Variants in MAST2 observed in about 807,000 individuals in gnomAD.
The protein encoded by MAST2 is microtubule-associated serine/threonine-protein kinase 2.
A neutral mutation model predicts 147.4 loss-of-function variants in MAST2; 70 were observed. The observed-to-expected ratio is 0.47, with a 90% CI of 0.39 to 0.58. The LOEUF (loss-of-function observed/expected upper bound fraction) is 0.58. Among genes scored for constraint, MAST2 ranks in the 20% least tolerant of loss-of-function variants. The pLI, the probability that MAST2 is intolerant of heterozygous loss-of-function variation, is 0.00. For synonymous variants in MAST2, 869 were observed against 896.8 expected, an observed-to-expected ratio of 0.97 and a Z score of 0.55; for missense variants, 2,080 against 2,302.3, an observed-to-expected ratio of 0.90 and a Z score of 1.98.
At chr1:45,935,749 G>T (rs960378716) in intron 4 of MAST2, among the ~76,000 whole-genome samples, 4 of 152,170 alleles carry the variant, frequency 2.6e-5, no homozygotes, top group Non-Finnish European at 4.4e-5. Flanking sequence ...TGGTCTGTTT[G>T]TCTGGTTTTG....
chr1:46,018,946 A>G (rs1399435894), intron 10 of MAST2, among the ~76,000 whole-genome samples: 1 of 152,168 alleles, frequency 6.6e-6, no homozygotes, highest in Non-Finnish European at 1.5e-5. Context: ...TATCACCTAA[A>G]TGGCTTCTTA....
chr1:45,900,906 T>G (rs186832831), intron 4 of MAST2, among the ~76,000 whole-genome samples: 1 of 152,222 alleles, frequency 6.6e-6, no homozygotes, highest in Non-Finnish European at 1.5e-5. Context: ...ATTAGTCCTT[T>G]GTTGGATGCG....
intron 4 of MAST2, among the ~76,000 whole-genome samples, chr1:45,942,121 T>C (rs1657388161): frequency 6.6e-6 from 1 of 151,432 alleles, no homozygotes; most frequent in Non-Finnish European, 1.5e-5. Context: ...TGAGAATCAC[T>C]GTCCAGCTTG....
chr1:46,035,007 G>A lies in MAST2; in HGVS notation c.4338G>A (p.Val1446=). 6.2e-7 allele frequency: 1 copy of A among 1,614,062 alleles called. No individual in the cohort carries two copies. The highest frequency in any genetic ancestry group is 8.5e-7 in the Non-Finnish European group (1 of 1,180,048). Reference sequence around the variant, plus strand: ...AGAAGGAACTGCCGCCCAGGGAAGTGAGCCCTCTGGAGGTAGTTGGAGCCA... The same window carrying A: ...AGAAGGAACTGCCGCCCAGGGAAGTAAGCCCTCTGGAGGTAGTTGGAGCCA... The part of the protein sequence containing the change: ...ELKKELPPRE[V]SPLEVVGARS... The change falls in exon 29 of 29, where the codon GTG becomes GTA. Residue 1446 remains valine, a synonymous_variant. Coordinates refer to ENST00000361297, the MANE Select transcript of MAST2 (RefSeq NM_015112.3). The surrounding 1 kb of genome is among the most constrained non-coding windows in gnomAD (Gnocchi z 5.5).
At chr1:46,033,426 G>A (rs1646762207) in intron 26 of MAST2, among the ~76,000 whole-genome samples, 1 of 150,774 alleles carries the variant, frequency 6.6e-6, no homozygotes, top group South Asian at 2.1e-4. Context: ...GTGACAGAGT[G>A]AGACTCTGTC....
At chr1:45,810,486 G>A (rs934121501) in intron 1 of MAST2, among the ~76,000 whole-genome samples, 2 of 152,108 alleles carry the variant, frequency 1.3e-5, no homozygotes, top group Admixed American at 6.5e-5. Context: ...GATTAAAGAA[G>A]CCTTGATTGT....
At chr1:45,807,951 G>T (rs1048548169) in intron 1 of MAST2, among the ~76,000 whole-genome samples, 25 of 152,194 alleles carry the variant, frequency 1.6e-4, no homozygotes, top group African/African-American at 5.5e-4. Flanking sequence ...GAGACTGGTT[G>T]AATTCTATTT....
Position 46,034,190 on chromosome 1 carries a change from T to C in MAST2, c.3792T>C (p.Ser1264=). ...CATCAGGGGAGAGTGGGCCAGGCTC[T>C]CCCACACACAGCCACAGCCTTTCCC... ...SLSSGESGPG[S]PTHSHSLSPR... The change falls in exon 28 of 29, where the codon TCT becomes TCC. Residue 1264 remains serine, a synonymous_variant. Transcript: ENST00000361297. The C allele has an allele frequency of 6.2e-7, 1 of 1,614,088 alleles. No homozygotes were observed.
intron 4 of MAST2, among the ~76,000 whole-genome samples, chr1:45,939,633 T>C (rs897053914): frequency 1.3e-5 from 2 of 151,814 alleles, no homozygotes; most frequent in Non-Finnish European, 2.9e-5. Context: ...CTCTGCCTCC[T>C]GGATTCAAGT....
chr1:46,002,809 G>A lies in MAST2; in HGVS notation c.673G>A (p.Asp225Asn). Residue 225 changes from aspartate (D) to asparagine (N), a missense_variant, in exon 7 of 29, where the codon GAT becomes AAT. Asp to Asn is a conservative substitution (Grantham distance 23). Around this residue, in one of 4 missense-constraint regions of MAST2, gnomAD observed 569 missense variants for 642.5 expected, o/e 0.89. Transcript: ENST00000361297. The part of the protein sequence containing the change: ...HFSFVPARRT[D>N]GRRWSLASLP... Reference sequence around the variant, plus strand: ...AATACTTTTTCTTGCATACAGGACTGATGGGCGGCGCTGGTCTTTGGCCTC... The same window carrying A: ...AATACTTTTTCTTGCATACAGGACTAATGGGCGGCGCTGGTCTTTGGCCTC... 6.2e-7 allele frequency: 1 copy of A among 1,614,152 alleles called. No homozygotes were observed. Among genetic ancestry groups the A allele is most frequent in the Non-Finnish European group, 8.5e-7 (1 of 1,179,996 alleles).
chr1:45,917,202 T>C (rs1451484367), intron 4 of MAST2: 2 of 380,216 alleles, frequency 5.3e-6, no homozygotes, highest in Non-Finnish European at 9.7e-6. Flanking sequence ...GGTACTGAAG[T>C]ATGATATTGG....
At chr1:46,006,096 G>A in intron 7 of MAST2, 145 bp from the exon 8 acceptor site, 1 of 712,154 alleles carries the variant, frequency 1.4e-6, no homozygotes, top group East Asian at 2.6e-5. Context: ...ATCAAGCACA[G>A]GCAAGGCTAA....
intron 10 of MAST2, among the ~76,000 whole-genome samples, chr1:46,013,553 G>A (rs1571207896): frequency 1.3e-5 from 2 of 151,874 alleles, no homozygotes; most frequent in South Asian, 4.2e-4. Flanking sequence ...GGTGACGCAC[G>A]CCTGTAATCC....
intron 4 of MAST2, among the ~76,000 whole-genome samples, chr1:45,943,146 A>G (rs1657552715): frequency 6.6e-6 from 1 of 152,248 alleles, no homozygotes; most frequent in African/African-American, 2.4e-5. Context: ...GAATAGAGAC[A>G]TAATGGTATG....
chr1:45,939,989 T>TTTTTTTTTTTTTTTTTTTTTTTC (rs1656969343), intron 4 of MAST2, among the ~76,000 whole-genome samples: 1 of 128,882 alleles, frequency 7.8e-6, no homozygotes, highest in African/African-American at 3.0e-5. Flanking sequence ...GGTTTTTTTT[T>TTTTTTTTTTTTTTTTTTTTTTTC]TTTTTTTTTT....
intron 1 of MAST2, among the ~76,000 whole-genome samples, chr1:45,822,406 G>A (rs1457823008): frequency 6.6e-6 from 1 of 152,036 alleles, no homozygotes; most frequent in African/African-American, 2.4e-5. Context: ...AAGAAGGGGT[G>A]TGATCCTCTC....
intron 5 of MAST2, among the ~76,000 whole-genome samples, chr1:45,975,751 A>G (rs996167750): frequency 2.6e-5 from 4 of 151,772 alleles, no homozygotes; most frequent in African/African-American, 9.7e-5. Flanking sequence ...CTAATCAAAT[A>G]TGGATGGGTA....
intron 3 of MAST2, among the ~76,000 whole-genome samples, chr1:45,863,900 T>G (rs1279980102): frequency 6.6e-6 from 1 of 152,186 alleles, no homozygotes; most frequent in Non-Finnish European, 1.5e-5. Flanking sequence ...TTCCTAAAAA[T>G]ATAATGCTGC....
At chr1:45,883,921 G>C (rs201427694) in intron 4 of MAST2, among the ~76,000 whole-genome samples, 73 of 7,978 alleles carry the variant, frequency 9.2e-3, no homozygotes, top group African/African-American at 0.029. Flanking sequence ...TGCCCCCCCC[G>C]CTTTTTTTTG....
Sources: gnomAD v4.1 joint callset for allele counts (sites outside exome capture counted in the v4.1 genomes callset) on GRCh38, gnomAD v4.1.1 for gene constraint, gnomAD v4.1.1 regional missense constraint, Gnocchi (gnomAD v3.1) non-coding constraint, MANE v1.5 for transcripts, NCBI Gene and HGNC (gene_info 2026-07-23, HGNC 2026-07-21) for gene names.